The following PRKG1 variants were observed in gnomAD, a reference collection of about 807,000 sequenced individuals.
PRKG1 encodes cGMP-dependent protein kinase 1.
Under a neutral mutation model 88.1 loss-of-function variants are expected in PRKG1, and 35 were observed. That is an observed-to-expected ratio of 0.40 (90% CI 0.30 to 0.53). PRKG1 has a LOEUF of 0.53. Among genes scored for constraint, PRKG1 ranks in the 20% least tolerant of loss-of-function variants. PRKG1 has a pLI of 0.59. For synonymous variants in PRKG1, 303 were observed against 292.5 expected, an observed-to-expected ratio of 1.04 and a Z score of -0.37; for missense variants, 540 against 839.8, an observed-to-expected ratio of 0.64 and a Z score of 4.41.
intron 3 of PRKG1, among the ~76,000 whole-genome samples, chr10:51,717,993 T>C (rs1841926292): frequency 6.6e-6 from 1 of 152,226 alleles, no homozygotes; most frequent in Non-Finnish European, 1.5e-5. Context: ...AGTCCTCCCC[T>C]TCATTCATGT....
intron 9 of PRKG1, among the ~76,000 whole-genome samples, chr10:52,167,326 T>C (rs74665580): frequency 0.068 from 10,342 of 152,100 alleles, 1,199 homozygotes; most frequent in African/African-American, 0.24. Context: ...ATCATGGGGA[T>C]AGCACCAAGC....
At chr10:51,711,873 G>A (rs1448890226) in intron 3 of PRKG1, among the ~76,000 whole-genome samples, 2 of 152,152 alleles carry the variant, frequency 1.3e-5, no homozygotes, top group East Asian at 3.9e-4. Flanking sequence ...AACCAGGGGG[G>A]TAATGAGTTT....
At chr10:51,357,435 GAAC>G (rs1842390030) in intron 2 of PRKG1, among the ~76,000 whole-genome samples, 1 of 151,918 alleles carries the variant, frequency 6.6e-6, no homozygotes, top group Admixed American at 6.6e-5. Context: ...AGGAGACATG[GAAC>G]AACAACTGAG....
chr10:51,508,662 A>G (rs1335554689), intron 3 of PRKG1, among the ~76,000 whole-genome samples: 1 of 152,160 alleles, frequency 6.6e-6, no homozygotes, highest in Non-Finnish European at 1.5e-5. Context: ...CTCAAATGAC[A>G]GAAAACTGTC....
chr10:51,950,323 A>T (rs1007391842), intron 5 of PRKG1, among the ~76,000 whole-genome samples: 2 of 152,254 alleles, frequency 1.3e-5, no homozygotes, highest in Non-Finnish European at 2.9e-5. Flanking sequence ...CTAGAGAAAA[A>T]ACAAGTGATA....
intron 11 of PRKG1, 88 bp downstream of exon 11, chr10:52,271,577 C>T: frequency 7.1e-7 from 1 of 1,400,100 alleles, no homozygotes; most frequent in Non-Finnish European, 9.6e-7. Context: ...TCACTGTTAA[C>T]ACATTTCGTA....
intron 7 of PRKG1, among the ~76,000 whole-genome samples, chr10:52,117,982 G>A (rs1847728271): frequency 6.6e-6 from 1 of 151,588 alleles, no homozygotes; most frequent in Admixed American, 6.6e-5. Context: ...ATACTACATT[G>A]ATAGGTATTT....
At chr10:51,823,368 T>G (rs1033692538) in intron 4 of PRKG1, among the ~76,000 whole-genome samples, 1 of 152,180 alleles carries the variant, frequency 6.6e-6, no homozygotes, top group Admixed American at 6.5e-5. Context: ...TGCTTCTGTA[T>G]GGCATATAGG....
chr10:51,681,801 T>C (rs1840857320), intron 3 of PRKG1, among the ~76,000 whole-genome samples: 1 of 152,198 alleles, frequency 6.6e-6, no homozygotes, highest in African/African-American at 2.4e-5. Context: ...CATAACATTT[T>C]GATGCATTTA....
intron 2 of PRKG1, among the ~76,000 whole-genome samples, chr10:51,213,954 C>T (rs1838303886): frequency 6.6e-6 from 1 of 151,896 alleles, no homozygotes; most frequent in Non-Finnish European, 1.5e-5. Context: ...GTTTATAGTT[C>T]TCGTTTGGAA....
intron 1 of PRKG1, among the ~76,000 whole-genome samples, chr10:51,151,725 A>G (rs1315183455): frequency 6.6e-6 from 1 of 152,006 alleles, no homozygotes; most frequent in Admixed American, 6.6e-5. Context: ...GTTCCACTCT[A>G]GGATTATTCT....
At chr10:52,289,029 C>A in intron 16 of PRKG1, 36 bp downstream of exon 16, 1 of 1,551,998 alleles carries the variant, frequency 6.4e-7, no homozygotes, top group Non-Finnish European at 8.8e-7. Flanking sequence ...GAACACGTGA[C>A]ATCATTTCCC....
intron 1 of PRKG1, among the ~76,000 whole-genome samples, chr10:51,067,501 T>A (rs904291486): frequency 4.6e-5 from 7 of 151,998 alleles, no homozygotes; most frequent in Non-Finnish European, 1.0e-4. Context: ...ACAGCAGCAA[T>A]TGCTTTTAAT....
intron 2 of PRKG1, among the ~76,000 whole-genome samples, chr10:51,234,874 C>G (rs1838942070): frequency 6.6e-6 from 1 of 152,082 alleles, no homozygotes; most frequent in Admixed American, 6.5e-5. Flanking sequence ...AATTGATGAT[C>G]AAATATATTG....
At chr10:51,834,229 T>A (rs780934615) in intron 4 of PRKG1, among the ~76,000 whole-genome samples, 1 of 152,122 alleles carries the variant, frequency 6.6e-6, no homozygotes, top group Non-Finnish European at 1.5e-5. Flanking sequence ...CTGCCTCTTA[T>A]CATCTTTATG....
At chr10:51,918,333 AT>A (rs11316174) in intron 5 of PRKG1, among the ~76,000 whole-genome samples, 65,975 of 128,296 alleles carry the variant, frequency 0.51, 15,921 homozygotes, top group African/African-American at 0.67. Context: ...GACTTGACTT[AT>A]TTTTTTTTTA....
At chr10:51,087,816 G>C (rs942802853) in intron 1 of PRKG1, among the ~76,000 whole-genome samples, 1 of 152,202 alleles carries the variant, frequency 6.6e-6, no homozygotes, top group Non-Finnish European at 1.5e-5. Context: ...CCAGGATAGT[G>C]TGCAGTGGTG....
intron 1 of PRKG1, among the ~76,000 whole-genome samples, chr10:51,002,495 C>T (rs1033776470): frequency 1.7e-4 from 26 of 152,238 alleles, no homozygotes; most frequent in Non-Finnish European, 2.9e-4. Context: ...AGATACTCTA[C>T]TCTGAATATA....
intron 2 of PRKG1, among the ~76,000 whole-genome samples, chr10:51,274,660 G>A (rs576893540): frequency 1.1e-4 from 16 of 152,304 alleles, no homozygotes; most frequent in East Asian, 9.7e-4. Context: ...TGAAGACAGA[G>A]CAGGGCTGCT....
Sources: gnomAD v4.1 joint callset for allele counts (sites outside exome capture counted in the v4.1 genomes callset) on GRCh38, gnomAD v4.1.1 for gene constraint, MANE v1.5 for transcripts, NCBI Gene and HGNC (gene_info 2026-07-23, HGNC 2026-07-21) for gene names.